MAD1L1: variants seen among roughly 807,000 people sequenced by gnomAD.
The protein encoded by MAD1L1 is mitotic arrest deficient 1 like 1, also known as mitotic spindle assembly checkpoint protein MAD1.
A neutral mutation model predicts 96.9 loss-of-function variants in MAD1L1; 95 were observed. The observed-to-expected ratio is 0.98, with a 90% CI of 0.83 to 1.16. MAD1L1 has a LOEUF of 1.16. Among genes scored for constraint, MAD1L1 ranks in the 50% most tolerant of loss-of-function variants. The pLI is 0.00. For missense variants in MAD1L1, 1,007 were observed against 954.4 expected, an observed-to-expected ratio of 1.06 and a Z score of -0.73; for synonymous variants, 473 against 396.6, an observed-to-expected ratio of 1.19 and a Z score of -2.29.
intron 16 of MAD1L1, among the ~76,000 whole-genome samples, chr7:1,950,898 C>T (rs1366850507): frequency 1.3e-5 from 2 of 152,364 alleles, no homozygotes; most frequent in East Asian, 3.9e-4. Flanking sequence ...GCAGACGAGG[C>T]ATCTACCTGA....
chr7:1,879,946 G>C (rs1314487608), intron 18 of MAD1L1, among the ~76,000 whole-genome samples: 1 of 152,130 alleles, frequency 6.6e-6, no homozygotes, highest in African/African-American at 2.4e-5. Flanking sequence ...TAGCCAGGAT[G>C]GTCTCAATCT....
intron 10 of MAD1L1, among the ~76,000 whole-genome samples, chr7:2,165,872 C>A (rs1485643314): frequency 6.6e-6 from 1 of 152,162 alleles, no homozygotes; most frequent in African/African-American, 2.4e-5. Context: ...CACAGCCCCG[C>A]TGACAAAGGC....
At position 1,978,594 on chromosome 7, in the gene MAD1L1, T is replaced by TC. The variant is rs1428304486; in HGVS notation, c.1505+1858dup. Among the ~76,000 whole-genome samples, 6 of 152,120 alleles carry TC rather than the reference T, an allele frequency of 3.9e-5. No individual in the cohort carries two copies. The South Asian group carries it at 1.2e-3, about 32-fold the overall frequency. ...CATGCTCACCATGGCACCTGCCCGG[T>TC]CTCCAGCTTCCCCCACCCCACACCC... On this transcript the variant is annotated intron_variant, in intron 15 of 18. Transcript: ENST00000265854.
intron 15 of MAD1L1, among the ~76,000 whole-genome samples, chr7:1,979,185 G>A (rs1780781232): frequency 6.6e-6 from 1 of 152,160 alleles, no homozygotes; most frequent in African/African-American, 2.4e-5. Context: ...GGGGTCCAGG[G>A]GCCCACACAC....
chr7:1,978,084 C>T (rs1485155897), intron 15 of MAD1L1, among the ~76,000 whole-genome samples: 6 of 152,258 alleles, frequency 3.9e-5, no homozygotes, highest in Non-Finnish European at 7.3e-5. Context: ...CCTGCGCCCG[C>T]GTGCCTCCAG....
chr7:2,021,926 G>A (rs1782805475), intron 12 of MAD1L1, among the ~76,000 whole-genome samples: 2 of 151,982 alleles, frequency 1.3e-5, no homozygotes, highest in African/African-American at 2.4e-5. Context: ...GAGCAGAGAA[G>A]TAACAAATAA....
intron 18 of MAD1L1, 101 bp from the exon 19 acceptor site, chr7:1,816,329 C>G: frequency 3.2e-6 from 4 of 1,250,746 alleles, no homozygotes; most frequent in Non-Finnish European, 4.5e-6. Context: ...GGGGGCTTCC[C>G]TCAGTCTGAG....
chr7:2,101,807 G>T (rs1218251901), intron 11 of MAD1L1, among the ~76,000 whole-genome samples: 1 of 152,170 alleles, frequency 6.6e-6, no homozygotes, highest in Non-Finnish European at 1.5e-5. Context: ...TGTTGGCTCC[G>T]TGCACACAGG....
chr7:1,900,959 C>T (rs990547305), intron 17 of MAD1L1, among the ~76,000 whole-genome samples: 63 of 152,184 alleles, frequency 4.1e-4, no homozygotes, highest in Non-Finnish European at 6.3e-4. Flanking sequence ...ACCACCCATG[C>T]GGCTGGGAGC....
At chr7:1,888,465 T>C (rs1334097888) in intron 18 of MAD1L1, among the ~76,000 whole-genome samples, 1 of 149,196 alleles carries the variant, frequency 6.7e-6, no homozygotes, top group Non-Finnish European at 1.5e-5. Flanking sequence ...CGCATGTATG[T>C]GGCTGCCTGT....
chr7:1,915,705 C>T (rs1788342144), intron 17 of MAD1L1, among the ~76,000 whole-genome samples: 1 of 152,234 alleles, frequency 6.6e-6, no homozygotes, highest in Non-Finnish European at 1.5e-5. Context: ...AAAGCAACTC[C>T]ACGGGGAAAG....
At chr7:1,907,727 C>T (rs1787756798) in intron 17 of MAD1L1, among the ~76,000 whole-genome samples, 1 of 152,252 alleles carries the variant, frequency 6.6e-6, no homozygotes, top group South Asian at 2.1e-4. Flanking sequence ...GGCGAAAACC[C>T]TCTCGGCAAT....
intron 10 of MAD1L1, among the ~76,000 whole-genome samples, chr7:2,167,740 A>C (rs931297861): frequency 2.2e-4 from 33 of 151,858 alleles, no homozygotes; most frequent in African/African-American, 3.9e-4. Flanking sequence ...TAAAAAAAAA[A>C]ACACAATATT....
chr7:1,919,655 T>C (rs887154970), intron 17 of MAD1L1, among the ~76,000 whole-genome samples: 10 of 152,214 alleles, frequency 6.6e-5, no homozygotes, highest in Non-Finnish European at 1.2e-4. Context: ...GGGCCAGCGG[T>C]GCCTCTGCTA....
At chr7:2,079,094 T>C (rs1029419748) in intron 11 of MAD1L1, among the ~76,000 whole-genome samples, 2 of 152,214 alleles carry the variant, frequency 1.3e-5, no homozygotes, top group Non-Finnish European at 2.9e-5. Context: ...AAGACTCGGG[T>C]TCAAGTCCAC....
intron 10 of MAD1L1, among the ~76,000 whole-genome samples, chr7:2,188,138 G>A (rs1791548826): frequency 6.6e-6 from 1 of 152,154 alleles, no homozygotes; most frequent in African/African-American, 2.4e-5. Context: ...ATGGATAAAG[G>A]TCCATTCAAA....
At chr7:2,130,215 T>G (rs1251921033) in intron 11 of MAD1L1, among the ~76,000 whole-genome samples, 1 of 152,114 alleles carries the variant, frequency 6.6e-6, no homozygotes, top group African/African-American at 2.4e-5. Flanking sequence ...ACCTGAGAGG[T>G]CCAGGGAGCT....
chr7:1,815,909 C>G lies in MAD1L1; in HGVS notation c.*161G>C. ...CACGTGGAGAGGGTGCTGGCCGCCC[C>G]AGCAGGAAGCCCGACGTAGGTCCCA... is the stretch of plus-strand genomic sequence containing the variant. On this transcript the variant is annotated 3_prime_UTR_variant, in exon 19 of 19. Coordinates refer to ENST00000265854, the MANE Select transcript of MAD1L1 (RefSeq NM_001013836.2). 7.0e-6 allele frequency: 6 copies of G among 851,128 alleles called. No individual in the cohort carries two copies. Among genetic ancestry groups the G allele is most frequent in the Non-Finnish European group, 1.1e-5 (6 of 568,130 alleles). 52.7% of individuals were successfully genotyped at this position (851,128 alleles called of 1,614,324 possible).
chr7:1,828,391 G>A (rs1233610377), intron 18 of MAD1L1, among the ~76,000 whole-genome samples: 2 of 152,166 alleles, frequency 1.3e-5, no homozygotes, highest in Admixed American at 6.5e-5. Context: ...GGCTGAGTTC[G>A]CTGGAGTGCT....
Sources: gnomAD v4.1 joint callset for allele counts (sites outside exome capture counted in the v4.1 genomes callset) on GRCh38, gnomAD v4.1.1 for gene constraint, MANE v1.5 for transcripts, NCBI Gene and HGNC (gene_info 2026-07-23, HGNC 2026-07-21) for gene names.